PSMD1: variants seen among roughly 807,000 people sequenced by gnomAD.
The protein encoded by PSMD1 is 26S proteasome non-ATPase regulatory subunit 1.
PSMD1 carries 18 observed loss-of-function variants against 119.0 expected under a neutral mutation model. That is an observed-to-expected ratio of 0.15 (90% CI 0.10 to 0.22). The LOEUF (loss-of-function observed/expected upper bound fraction) is 0.22, where lower values mean the gene tolerates loss of function less well. PSMD1 is among the 10% of genes least tolerant of loss of function. The probability of loss-of-function intolerance (pLI) is 1.00; values close to 1 mark genes in which losing one functional copy is unlikely to be tolerated. For missense variants in PSMD1, 702 were observed against 1,158.5 expected (o/e 0.61, Z 5.72); for synonymous variants, 374 against 396.6 (o/e 0.94, Z 0.68).
chr2:231,169,029 C>T (rs1344756680), intron 23 of PSMD1, among the ~76,000 whole-genome samples: 1 of 152,146 alleles, frequency 6.6e-6, no homozygotes, highest in Non-Finnish European at 1.5e-5. Context: ...AACAGAAAAT[C>T]GTATATCTTA....
intron 16 of PSMD1, among the ~76,000 whole-genome samples, chr2:231,120,858 A>G (rs980629133): frequency 2.6e-5 from 4 of 152,238 alleles, no homozygotes; most frequent in African/African-American, 4.8e-5. Flanking sequence ...CACTACAATA[A>G]GAGTGTAAAG....
chr2:231,088,713 G>A (rs149239709), intron 16 of PSMD1, among the ~76,000 whole-genome samples: 171 of 152,224 alleles, frequency 1.1e-3, no homozygotes, highest in Admixed American at 2.5e-3. Flanking sequence ...CCTATTCCCT[G>A]AGACACAATA....
intron 16 of PSMD1, among the ~76,000 whole-genome samples, chr2:231,089,767 A>G (rs570234196): frequency 8.5e-5 from 13 of 152,218 alleles, no homozygotes; most frequent in African/African-American, 2.2e-4. Context: ...CAGGAGAAGG[A>G]TGTAGGCTGG....
chr2:231,083,425 T>C lies in PSMD1; in HGVS notation c.1526-142T>C. ...TGTGCTTCCACATAAAGTATCCTTT[T>C]TACCAGGTGGTTTAAAAAAATGCTA... is the stretch of plus-strand genomic sequence containing the variant. On this transcript the variant is annotated intron_variant, in intron 13 of 24. Transcript: ENST00000308696. 5.1e-6 allele frequency: 4 copies of C among 789,538 alleles called. No homozygotes were observed. In the East Asian group the frequency reaches 1.1e-4, roughly 21 times the overall value. 48.9% of individuals were successfully genotyped at this position (789,538 alleles called of 1,614,324 possible).
At chr2:231,083,873 C>A in intron 14 of PSMD1, 110 bp downstream of exon 14, 2 of 1,080,756 alleles carry the variant, frequency 1.9e-6, no homozygotes, top group Non-Finnish European at 2.6e-6. Flanking sequence ...TACACTTATT[C>A]ATAAAACTTC....
chr2:231,163,671 T>C lies in PSMD1; in HGVS notation c.2425T>C (p.Ser809Pro), dbSNP rs1236164199. 1 of 1,613,178 alleles carries C rather than the reference T, an allele frequency of 6.2e-7. No individual in the cohort carries two copies. Among genetic ancestry groups the C allele is most frequent in the Non-Finnish European group, 8.5e-7 (1 of 1,179,344 alleles). The stretch of plus-strand genomic sequence containing the variant: ...TCAGTATAAATCGAACTGTAAACCA[T>C]CCACATTTGCATATCCTGCCCCTCT... ...KVQYKSNCKP[S>P]TFAYPAPLEV... is the part of the protein sequence containing the mutation. Residue 809 changes from serine (S) to proline (P), a missense_variant, in exon 21 of 25, where the codon TCC becomes CCC. Coordinates refer to ENST00000308696, the MANE Select transcript of PSMD1 (RefSeq NM_002807.4).
At chr2:231,133,204 C>G (rs762003247) in intron 16 of PSMD1, among the ~76,000 whole-genome samples, 45 of 152,092 alleles carry the variant, frequency 3.0e-4, no homozygotes, top group African/African-American at 1.0e-3. Flanking sequence ...TGTCGCCCAG[C>G]CTCCTGAGTA....
intron 17 of PSMD1, among the ~76,000 whole-genome samples, chr2:231,144,853 AT>A (rs1473947265): frequency 6.6e-6 from 1 of 152,074 alleles, no homozygotes; most frequent in African/African-American, 2.4e-5. Context: ...TTTGTGCTGG[AT>A]TTTGTTTGTT....
At chr2:231,149,394 A>G (rs930339783) in intron 18 of PSMD1, among the ~76,000 whole-genome samples, 10 of 152,180 alleles carry the variant, frequency 6.6e-5, no homozygotes, top group Non-Finnish European at 1.3e-4. Flanking sequence ...AGATGGGCAC[A>G]GTGGCTGAGG....
In PSMD1 at chr2:231,163,672, C is replaced by T; in HGVS notation, c.2426C>T (p.Ser809Phe). Residue 809 changes from serine to phenylalanine, a missense_variant, in exon 21 of 25, where the codon TCC becomes TTC. Physicochemically the swap from Ser to Phe is radical, Grantham distance 155 (BLOSUM62 -2). This residue lies in a region of PSMD1 where 152 missense variants were observed against 239.3 expected (regional missense o/e 0.64). Transcript: ENST00000308696. The part of the protein sequence containing the change: ...KVQYKSNCKP[S>F]TFAYPAPLEV... ...CAGTATAAATCGAACTGTAAACCAT[C>T]CACATTTGCATATCCTGCCCCTCTG... 2 of 1,613,132 alleles carry T rather than the reference C, an allele frequency of 1.2e-6. No homozygotes were observed. Among genetic ancestry groups the T allele is most frequent in the South Asian group, 1.1e-5 (1 of 91,024 alleles).
rs1696736384 is a variant in PSMD1, at chr2:231,165,037, TATATATATATATATATATATATATA to T, written c.2482-162_2482-138del. ...TTATTCTTTGATTTATATATATTTA[TATATATATATATATATATATATATA>T]TATATATATATATATATATATATAT... On this transcript the variant is annotated intron_variant, in intron 21 of 24. Transcript: ENST00000308696. 41 of 7,986 alleles carry T rather than the reference TATATATATATATATATATATATATA, an allele frequency of 5.1e-3. 1 individual carries two copies. Among genetic ancestry groups the T allele is most frequent in the East Asian group, 6.8e-3 (1 of 146 alleles). 0.5% of individuals were successfully genotyped at this position (7,986 alleles called of 1,614,324 possible). A position where few individuals can be genotyped will look rare whatever the true frequency, so the allele number is the denominator to read the frequency against.
chr2:231,171,074 T>C (rs1696900754), intron 24 of PSMD1, among the ~76,000 whole-genome samples: 1 of 152,216 alleles, frequency 6.6e-6, no homozygotes, highest in South Asian at 2.1e-4. Context: ...TGCTTAGTGA[T>C]AGAGCTGATT....
At chr2:231,108,587 ATGAT>A (rs1695035968) in intron 16 of PSMD1, 1 of 1,613,826 alleles carries the variant, frequency 6.2e-7, no homozygotes, top group Non-Finnish European at 8.5e-7. Flanking sequence ...ATCTAGTAGA[ATGAT>A]TGATGAAGAC....
chr2:231,065,939 T>C (rs1293028914), intron 4 of PSMD1, among the ~76,000 whole-genome samples: 1 of 152,214 alleles, frequency 6.6e-6, no homozygotes, highest in Non-Finnish European at 1.5e-5. Context: ...AGATGTCCCA[T>C]AAGAGTACAA....
intron 17 of PSMD1, among the ~76,000 whole-genome samples, chr2:231,143,883 G>A (rs949161918): frequency 6.6e-6 from 1 of 152,088 alleles, no homozygotes. Context: ...CATCACTTGT[G>A]GTCTTAGGAA....
intron 16 of PSMD1, among the ~76,000 whole-genome samples, chr2:231,112,389 T>C (rs1276851416): frequency 6.6e-6 from 1 of 152,268 alleles, no homozygotes; most frequent in Non-Finnish European, 1.5e-5. Flanking sequence ...CTCTTCATTC[T>C]GAATAGACTT....
chr2:231,165,985 C>A lies in PSMD1; in HGVS notation c.2683C>A (p.Pro895Thr). Residue 895 changes from proline (P) to threonine (T), a missense_variant, in exon 23 of 25, where the codon CCG (proline) becomes ACG (threonine). Physicochemically the swap from Pro to Thr is conservative, Grantham distance 38. Around this residue, in one of 9 missense-constraint regions of PSMD1, gnomAD observed 152 missense variants for 239.3 expected, o/e 0.64. Coordinates refer to ENST00000308696, the MANE Select transcript of PSMD1 (RefSeq NM_002807.4). Reference sequence around the variant, plus strand: ...TGCCCAGCTTAAGGTCCTAACCATGCCGGAGACCTGTAGATACCAGCCTTT... The same window carrying A: ...TGCCCAGCTTAAGGTCCTAACCATGACGGAGACCTGTAGATACCAGCCTTT... ...MPAQLKVLTM[P>T]ETCRYQPFKP... 6.2e-7 allele frequency: 1 copy of A among 1,613,684 alleles called. No homozygotes were observed. The highest frequency in any genetic ancestry group is 8.5e-7 in the Non-Finnish European group (1 of 1,179,764).
rs757679891 is a variant in PSMD1 at position 231,109,125 on chromosome 2, T to G, written c.1883+21944T>G. 12 of 1,613,974 alleles carry G rather than the reference T, an allele frequency of 7.4e-6. No homozygotes were observed. The highest frequency in any genetic ancestry group is 1.3e-5 in the African/African-American group (1 of 74,944). ...CGAGAACCATCCAGCATTGCCACCT[T>G]TTCCGGTGACGAGCAAGGTGTTTCA... On this transcript the variant is annotated intron_variant, in intron 16 of 24. Transcript: ENST00000308696.
At chr2:231,140,777 C>T (rs1696088293) in intron 17 of PSMD1, among the ~76,000 whole-genome samples, 2 of 151,994 alleles carry the variant, frequency 1.3e-5, no homozygotes, top group South Asian at 4.1e-4. Flanking sequence ...ACTCAGGCAG[C>T]TGAGGCAGGA....
Sources: allele counts gnomAD v4.1 joint callset (sites outside exome capture counted in the v4.1 genomes callset), GRCh38; gene constraint gnomAD v4.1.1; regional missense constraint gnomAD v4.1.1; transcripts MANE v1.5; gene names NCBI Gene and HGNC (gene_info 2026-07-23, HGNC 2026-07-21).